The following ACBD4 variants were observed in gnomAD, a reference collection of about 807,000 sequenced individuals.
The protein encoded by ACBD4 is acyl-CoA-binding domain-containing protein 4.
Under a neutral mutation model 46.0 loss-of-function variants are expected in ACBD4, and 41 were observed. That is an observed-to-expected ratio of 0.89 (90% CI 0.69 to 1.16). The LOEUF (loss-of-function observed/expected upper bound fraction) is 1.16, where lower values mean the gene tolerates loss of function less well. Among genes scored for constraint, ACBD4 ranks in the 50% most tolerant of loss-of-function variants. ACBD4 has a pLI of 0.00. For synonymous variants in ACBD4, 162 were observed against 155.9 expected, an observed-to-expected ratio of 1.04 and a Z score of -0.29; for missense variants, 393 against 399.5, an observed-to-expected ratio of 0.98 and a Z score of 0.14.
At chr17:45,137,650 A>G in intron 6 of ACBD4, 110 bp from the exon 7 acceptor site, 1 of 1,385,704 alleles carries the variant, frequency 7.2e-7, no homozygotes, top group Non-Finnish European at 1.0e-6. Context: ...TGATATCTCT[A>G]GTGCCTCGTA....
intron 8 of ACBD4, among the ~76,000 whole-genome samples, chr17:45,138,702 C>T (rs947989516): frequency 1.3e-5 from 2 of 151,518 alleles, no homozygotes; most frequent in Non-Finnish European, 2.9e-5. Flanking sequence ...GCAGGAGAAT[C>T]GCTTGAATCC....
chr17:45,132,547 G>A (rs1039517433), upstream of ACBD4: 8 of 235,126 alleles, frequency 3.4e-5, no homozygotes, highest in Admixed American at 1.2e-4. This position sits in a 1 kb window ranked among gnomAD's most constrained non-coding sequence, Gnocchi z 4.6. Context: ...AGTCGGAGGA[G>A]GCAGCAGGAG....
At chr17:45,142,177 G>A (rs1215176570) in intron 9 of ACBD4, among the ~76,000 whole-genome samples, 2 of 151,838 alleles carry the variant, frequency 1.3e-5, no homozygotes, top group African/African-American at 4.8e-5. Flanking sequence ...TGGATCACCC[G>A]AGGTCAGGAG....
At chr17:45,139,306 A>ACTTTTGTTTTTGTCCTCAC in intron 9 of ACBD4, 146 bp downstream of exon 9, 1 of 884,414 alleles carries the variant, frequency 1.1e-6, no homozygotes, top group Non-Finnish European at 1.8e-6. Context: ...TGCTACAGGC[A>ACTTTTGTTTTTGTCCTCAC]GGAGGTGGGG....
intron 9 of ACBD4, among the ~76,000 whole-genome samples, chr17:45,140,755 G>C (rs1287992696): frequency 6.6e-6 from 1 of 152,164 alleles, no homozygotes; most frequent in Non-Finnish European, 1.5e-5. Context: ...GCTCACGCCT[G>C]TAATCCTAGC....
At chr17:45,141,550 G>A (rs2055273807) in intron 9 of ACBD4, among the ~76,000 whole-genome samples, 1 of 151,964 alleles carries the variant, frequency 6.6e-6, no homozygotes, top group Non-Finnish European at 1.5e-5. Context: ...AAATTAGCTG[G>A]GTGTGGACTG....
upstream of ACBD4, among the ~76,000 whole-genome samples, chr17:45,134,646 G>A (rs142135786): frequency 0.018 from 2,709 of 151,898 alleles, 49 homozygotes; most frequent in African/African-American, 0.062. Flanking sequence ...GCGTGGTGGC[G>A]AGCGCCTGTA....
At chr17:45,139,206 CT>C (rs1339821673) in intron 9 of ACBD4, 46 bp downstream of exon 9, 1 of 1,604,642 alleles carries the variant, frequency 6.2e-7, no homozygotes, top group Admixed American at 1.7e-5. Flanking sequence ...AGAATCCGGT[CT>C]TTATTCTGGG....
chr17:45,138,931 A>G (rs1388435870), intron 8 of ACBD4, 90 bp from the exon 9 acceptor site: 53 of 1,438,492 alleles, frequency 3.7e-5, no homozygotes, highest in Non-Finnish European at 4.9e-5. Flanking sequence ...CCACTCCTAC[A>G]CTTTCCTGGG....
chr17:45,136,065 G>A, intron 1 of ACBD4, 43 bp from the exon 2 acceptor site: 1 of 1,457,952 alleles, frequency 6.9e-7, no homozygotes, highest in Non-Finnish European at 9.5e-7. Context: ...ATGGTGCCGG[G>A]GGGACCCTGG....
chr17:45,136,654 A>G, intron 3 of ACBD4, 34 bp downstream of exon 3: 1 of 1,614,024 alleles, frequency 6.2e-7, no homozygotes, highest in Non-Finnish European at 8.5e-7. Context: ...GACAAGCCTC[A>G]GCTGTCAAGC....
upstream of ACBD4, among the ~76,000 whole-genome samples, chr17:45,133,767 G>C (rs2054615456): frequency 6.6e-6 from 1 of 151,702 alleles, no homozygotes; most frequent in Non-Finnish European, 1.5e-5. Context: ...TCCTGACCTC[G>C]TGATCCGCCC....
chr17:45,136,509 G>C lies in ACBD4; in HGVS notation c.98G>C (p.Arg33Pro). Reference protein sequence around the residue: ...IQNLPKNGSYRPSYEEMLRFY... With the variant: ...IQNLPKNGSYPPSYEEMLRFY... Reference sequence around the variant, plus strand: ...CCAACTCTCTGCCCAGGTTCTTACCGCCCCTCCTATGAAGAGATGCTGCGA... The same window carrying C: ...CCAACTCTCTGCCCAGGTTCTTACCCCCCCTCCTATGAAGAGATGCTGCGA... The change falls in exon 3 of 10, where the codon CGC (arginine) becomes CCC (proline). Residue 33 changes from arginine (R) to proline (P), a missense_variant. By Grantham distance (103) the Arg-to-Pro change is moderately radical. This residue lies in a region of ACBD4 where 61 missense variants were observed against 50.3 expected (regional missense o/e 1.21). Transcript: ENST00000321854. 1 of 1,612,722 alleles carries C rather than the reference G, an allele frequency of 6.2e-7. No individual in the cohort carries two copies. Among genetic ancestry groups the C allele is most frequent in the Non-Finnish European group, 8.5e-7 (1 of 1,179,320 alleles).
At chr17:45,137,162 T>A (rs1283639871) in intron 5 of ACBD4, 23 bp downstream of exon 5, 1 of 1,613,652 alleles carries the variant, frequency 6.2e-7, no homozygotes, top group Admixed American at 1.7e-5. Context: ...GGCTGGGAGC[T>A]CCAAAAGTGC....
At chr17:45,142,549 T>C in intron 9 of ACBD4, 2 of 277,562 alleles carry the variant, frequency 7.2e-6, no homozygotes, top group Non-Finnish European at 7.1e-6. Context: ...GGAGCCACAG[T>C]AATTCTTTTT....
At chr17:45,140,738 C>T (rs902897248) in intron 9 of ACBD4, among the ~76,000 whole-genome samples, 3 of 151,744 alleles carry the variant, frequency 2.0e-5, no homozygotes, top group Admixed American at 6.6e-5. Context: ...ATAGGCTGGG[C>T]GTGGTGGCTC....
upstream of ACBD4, chr17:45,132,364 G>A: frequency 3.3e-6 from 4 of 1,229,678 alleles, no homozygotes; most frequent in Non-Finnish European, 4.1e-6. This position sits in a 1 kb window ranked among gnomAD's most constrained non-coding sequence, Gnocchi z 4.6. Flanking sequence ...GGCCACCGGG[G>A]GCTCCTCGGG....
At chr17:45,140,182 T>C (rs1426454809) in intron 9 of ACBD4, among the ~76,000 whole-genome samples, 2 of 150,116 alleles carry the variant, frequency 1.3e-5, no homozygotes, top group Non-Finnish European at 3.0e-5. Flanking sequence ...TTTTTTTTTT[T>C]CTTTTTGTTT....
chr17:45,138,212 C>T (rs2055000277), intron 8 of ACBD4: 1 of 599,956 alleles, frequency 1.7e-6, no homozygotes, highest in African/African-American at 1.9e-5. Context: ...GGAGTCTGCA[C>T]CCTCTGCAGG....
Sources: gnomAD v4.1 joint callset for allele counts (sites outside exome capture counted in the v4.1 genomes callset) on GRCh38, gnomAD v4.1.1 for gene constraint, gnomAD v4.1.1 regional missense constraint, Gnocchi (gnomAD v3.1) non-coding constraint, MANE v1.5 for transcripts, NCBI Gene and HGNC (gene_info 2026-07-23, HGNC 2026-07-21) for gene names.